The following DSC3 variants were observed in gnomAD, a reference collection of about 807,000 sequenced individuals.
DSC3 encodes the protein desmocollin-3.
In DSC3, 97 loss-of-function variants were observed where a neutral mutation model predicts 89.5. The observed-to-expected ratio is 1.08, with a 90% CI of 0.92 to 1.28. DSC3 has a LOEUF of 1.28. Ranked by LOEUF, DSC3 falls within the 50% of genes most tolerant of loss-of-function variation. The probability of loss-of-function intolerance (pLI) is 0.00; values close to 1 mark genes in which losing one functional copy is unlikely to be tolerated. For synonymous variants in DSC3, 436 were observed against 384.1 expected (o/e 1.14, Z -1.58); for missense variants, 1,199 against 1,085.3 (o/e 1.10, Z -1.47).
intron 5 of DSC3, among the ~76,000 whole-genome samples, chr18:31,025,126 G>A (rs1339783874): frequency 1.3e-5 from 2 of 152,062 alleles, no homozygotes; most frequent in African/African-American, 4.8e-5. Flanking sequence ...CTTCTTTTTT[G>A]TAGGAACAGA....
intron 12 of DSC3, among the ~76,000 whole-genome samples, chr18:31,006,463 C>G (rs1387132484): frequency 6.6e-6 from 1 of 152,024 alleles, no homozygotes; most frequent in Non-Finnish European, 1.5e-5. Flanking sequence ...CCACGCCCAG[C>G]TAATTTATGT....
Position 31,013,171 on chromosome 18 carries a change from C to T in DSC3, c.1264-4646G>A, listed in dbSNP as rs145645945. On this transcript the variant is annotated intron_variant, in intron 9 of 15. Coordinates refer to ENST00000360428, the MANE Select transcript of DSC3 (RefSeq NM_001941.5). ...TGCTAATTAATAAACAATAAATTAA[C>T]GGTACAAAAGAGAATGTCAATAACA... Among the ~76,000 whole-genome samples the T allele has an allele frequency of 4.1e-4, 62 of 152,120 alleles. No individual in the cohort carries two copies. In the East Asian group the frequency reaches 6.8e-3, roughly 17 times the overall value.
At chr18:30,998,761 G>T (rs1984557348) in intron 14 of DSC3, among the ~76,000 whole-genome samples, 1 of 152,058 alleles carries the variant, frequency 6.6e-6, no homozygotes, top group Non-Finnish European at 1.5e-5. Flanking sequence ...ATGGTAAGGA[G>T]TGGGAGCAGC....
intron 7 of DSC3, among the ~76,000 whole-genome samples, chr18:31,019,318 C>T (rs372599645): frequency 1.3e-5 from 2 of 152,002 alleles, no homozygotes; most frequent in Non-Finnish European, 1.5e-5. Context: ...CTCAAACTCC[C>T]GATCTCGTGA....
chr18:31,018,868 T>C, intron 7 of DSC3, 68 bp from the exon 8 acceptor site: 4 of 1,427,942 alleles, frequency 2.8e-6, no homozygotes, highest in Non-Finnish European at 3.9e-6. Context: ...GAAACCTCAA[T>C]TGCACACTCA....
Position 31,001,752 on chromosome 18 carries a change from A to G in DSC3, c.2114-13T>C, listed in dbSNP as rs370710479. ...GTTAGCAATACAGCTGAATTTAAAAATAAAAATAAAATAACTTACTTTAGC... is the reference window on the plus strand; with the variant it reads ...GTTAGCAATACAGCTGAATTTAAAAGTAAAAATAAAATAACTTACTTTAGC... On this transcript the variant is annotated splice_polypyrimidine_tract_variant and intron_variant, in intron 13 of 15. Transcript: ENST00000360428. The G allele has an allele frequency of 1.6e-3, 2,591 of 1,571,556 alleles. 8 individuals are homozygous for G. The highest frequency in any genetic ancestry group is 2.1e-3 in the Non-Finnish European group (2,444 of 1,158,028).
At chr18:31,029,284 C>A (rs957405954) in intron 4 of DSC3, among the ~76,000 whole-genome samples, 1 of 152,106 alleles carries the variant, frequency 6.6e-6, no homozygotes, top group Non-Finnish European at 1.5e-5. Context: ...TCAGTAACTC[C>A]CTGCTAAATA....
chr18:31,011,666 T>A (rs907016497), intron 9 of DSC3, among the ~76,000 whole-genome samples: 1 of 152,056 alleles, frequency 6.6e-6, no homozygotes, highest in African/African-American at 2.4e-5. Flanking sequence ...AGTGTTTGAT[T>A]TTCAAATAAA....
intron 7 of DSC3, among the ~76,000 whole-genome samples, chr18:31,019,605 C>A (rs1985352520): frequency 6.6e-6 from 1 of 151,994 alleles, no homozygotes; most frequent in Non-Finnish European, 1.5e-5. Flanking sequence ...CAGACATGGG[C>A]AATATAGCAA....
At chr18:30,997,109 A>G (rs1263481059) in intron 14 of DSC3, 61 bp from the exon 15 acceptor site, 1 of 1,582,664 alleles carries the variant, frequency 6.3e-7, no homozygotes, top group Non-Finnish European at 8.7e-7. Flanking sequence ...TTGTCATGAG[A>G]AGGCAAAGGA....
At chr18:31,039,277 G>C (rs117997895) in intron 1 of DSC3, among the ~76,000 whole-genome samples, 1 of 152,058 alleles carries the variant, frequency 6.6e-6, no homozygotes, top group Non-Finnish European at 1.5e-5. Context: ...ATGCCAAAGA[G>C]AGAACGAAAA....
At chr18:31,041,122 A>G (rs1986116303) in intron 1 of DSC3, among the ~76,000 whole-genome samples, 1 of 152,140 alleles carries the variant, frequency 6.6e-6, no homozygotes, top group Non-Finnish European at 1.5e-5. Context: ...CTTGCCGGGA[A>G]AGCTCCTGGT....
chr18:30,996,244 A>C (rs1279352957), intron 15 of DSC3, among the ~76,000 whole-genome samples: 1 of 152,146 alleles, frequency 6.6e-6, no homozygotes, highest in African/African-American at 2.4e-5. Flanking sequence ...AAAAATAAGT[A>C]TTTGAGGTGA....
chr18:31,016,585 G>C (rs1327655087), intron 9 of DSC3, among the ~76,000 whole-genome samples: 6 of 152,168 alleles, frequency 3.9e-5, no homozygotes, highest in Admixed American at 2.6e-4. Flanking sequence ...GTTCCCATGT[G>C]TGCTGTAGAT....
At chr18:31,006,886 T>A (rs771425290) in intron 12 of DSC3, 21 bp downstream of exon 12, 1 of 1,547,550 alleles carries the variant, frequency 6.5e-7, no homozygotes, top group African/African-American at 1.4e-5. Flanking sequence ...AGTTTATAAA[T>A]CATTATTTTT....
At chr18:30,994,416 A>C (rs767080263) in intron 15 of DSC3, 44 bp from the exon 16 acceptor site, 1 of 1,595,916 alleles carries the variant, frequency 6.3e-7, no homozygotes, top group Non-Finnish European at 8.6e-7. Context: ...AGTTTTAAAC[A>C]ACTTAAATAT....
chr18:31,020,957 TACAA>T (rs1373642041), intron 7 of DSC3, among the ~76,000 whole-genome samples: 4 of 151,846 alleles, frequency 2.6e-5, no homozygotes, highest in Non-Finnish European at 5.9e-5. Context: ...AAGAAAAAAA[TACAA>T]ACAGAGAAAG....
At chr18:31,031,995 A>G (rs147235980) in intron 2 of DSC3, among the ~76,000 whole-genome samples, 197 bp downstream of exon 2, 2,058 of 152,314 alleles carry the variant, frequency 0.014, 58 homozygotes, top group African/African-American at 0.047. Flanking sequence ...AAATAAATAA[A>G]TAAACATCTT....
chr18:31,023,277 T>C (rs113363515), intron 6 of DSC3, among the ~76,000 whole-genome samples: 2,560 of 152,282 alleles, frequency 0.017, 83 homozygotes, highest in African/African-American at 0.058. Flanking sequence ...GGTCATGTAA[T>C]GTAATGAACT....
Sources: gnomAD v4.1 joint callset for allele counts (sites outside exome capture counted in the v4.1 genomes callset) on GRCh38, gnomAD v4.1.1 for gene constraint, MANE v1.5 for transcripts, NCBI Gene and HGNC (gene_info 2026-07-23, HGNC 2026-07-21) for gene names.